Variants in SEPTIN9 observed in about 807,000 individuals in gnomAD.
The protein encoded by SEPTIN9 is septin-9.
In SEPTIN9, 13 loss-of-function variants were observed where a neutral mutation model predicts 56.6. The observed-to-expected ratio is 0.23, with a 90% CI of 0.15 to 0.37. The LOEUF is 0.37. SEPTIN9 is among the 10% of genes least tolerant of loss of function. The pLI, the probability that SEPTIN9 is intolerant of heterozygous loss-of-function variation, is 1.00. For missense variants in SEPTIN9, 650 were observed against 823.1 expected (o/e 0.79, Z 2.57); for synonymous variants, 332 against 334.1 (o/e 0.99, Z 0.07).
intron 3 of SEPTIN9, among the ~76,000 whole-genome samples, chr17:77,403,375 A>G (rs902974407): frequency 1.3e-5 from 2 of 152,336 alleles, no homozygotes; most frequent in Admixed American, 6.5e-5. Flanking sequence ...ATAGCTGCAC[A>G]CGGTTTTATT....
intron 3 of SEPTIN9, among the ~76,000 whole-genome samples, chr17:77,438,575 G>A (rs2037436610): frequency 6.6e-6 from 1 of 152,272 alleles, no homozygotes; most frequent in Admixed American, 6.5e-5. Context: ...ACCATCTGAG[G>A]GGTGCAGTGG....
Position 77,449,577 on chromosome 17 carries a change from A to G in SEPTIN9, c.722-32567A>G, listed in dbSNP as rs1401943104. On this transcript the variant is annotated intron_variant, in intron 3 of 11. Coordinates refer to ENST00000427177, the MANE Select transcript of SEPTIN9 (RefSeq NM_001113491.2). This position sits in a 1 kb window ranked among gnomAD's most constrained non-coding sequence, Gnocchi z 4.6. The stretch of plus-strand genomic sequence containing the variant: ...AAGGGTTCTGCCCACGGGGAGGGAG[A>G]GGCCCACGGGGCAGGGGCGTGGTGG... Among the ~76,000 whole-genome samples the G allele has an allele frequency of 3.3e-5, 5 of 152,142 alleles. No individual in the cohort carries two copies. Among genetic ancestry groups the G allele is most frequent in the Non-Finnish European group, 1.5e-5 (1 of 68,022 alleles).
intron 3 of SEPTIN9, among the ~76,000 whole-genome samples, chr17:77,458,556 A>G (rs2038319423): frequency 6.6e-6 from 1 of 152,190 alleles, no homozygotes; most frequent in Non-Finnish European, 1.5e-5. Flanking sequence ...TTGTCTGAAA[A>G]ATGGATAATG....
At position 77,482,472 on chromosome 17, in the gene SEPTIN9, A is replaced by G. The variant is rs1568108597; in HGVS notation, c.913+137A>G. ...ACCCTGACCTCAAGGACGGATTGCC[A>G]GTGACATTGCGTGTGCATGCATGCG... On this transcript the variant is annotated intron_variant, in intron 4 of 11. Coordinates refer to ENST00000427177, the MANE Select transcript of SEPTIN9 (RefSeq NM_001113491.2). The G allele has an allele frequency of 3.3e-6, 3 of 896,728 alleles. No homozygotes were observed. In the East Asian group the frequency reaches 7.9e-5, roughly 24 times the overall value. 55.5% of individuals were successfully genotyped at this position (896,728 alleles called of 1,614,324 possible). A position where few individuals can be genotyped will look rare whatever the true frequency, so the allele number is the denominator to read the frequency against.
chr17:77,447,597 C>T (rs1198099277), intron 3 of SEPTIN9, among the ~76,000 whole-genome samples: 7 of 152,248 alleles, frequency 4.6e-5, no homozygotes, highest in African/African-American at 1.7e-4. Flanking sequence ...CTAAGAGATA[C>T]TTAGCGTGTG....
chr17:77,402,269 C>T lies in SEPTIN9; in HGVS notation c.287C>T (p.Ser96Leu), dbSNP rs1309991827. 9.3e-6 allele frequency: 15 copies of T among 1,612,460 alleles called. No individual in the cohort carries two copies. Among genetic ancestry groups the T allele is most frequent in the African/African-American group, 6.7e-5 (5 of 74,920 alleles). The change falls in exon 3 of 12, where the codon TCG becomes TTG. Residue 96 changes from serine (S) to leucine (L), a missense_variant. By Grantham distance (145) the Ser-to-Leu change is moderately radical. Transcript: ENST00000427177. This position sits in a 1 kb window ranked among gnomAD's most constrained non-coding sequence, Gnocchi z 6.6. ...PKASLRRVEL[S>L]GPKAAEPVSR... ...GCGTCCCTGCGGAGGGTGGAGCTCT[C>T]GGGCCCCAAGGCGGCCGAGCCGGTG...
At chr17:77,431,165 T>C (rs1480693242) in intron 3 of SEPTIN9, among the ~76,000 whole-genome samples, 1 of 152,040 alleles carries the variant, frequency 6.6e-6, no homozygotes, top group Non-Finnish European at 1.5e-5. Context: ...ACAGAGGTGC[T>C]AGGGGTAGTG....
intron 3 of SEPTIN9, among the ~76,000 whole-genome samples, chr17:77,448,346 T>C (rs924312821): frequency 4.6e-5 from 7 of 151,988 alleles, no homozygotes; most frequent in South Asian, 2.1e-4. Context: ...CATGGTGGTG[T>C]ACGCCTGTAG....
chr17:77,491,189 C>T (rs1423110520), intron 8 of SEPTIN9, among the ~76,000 whole-genome samples: 4 of 150,780 alleles, frequency 2.7e-5, no homozygotes, highest in African/African-American at 4.9e-5. Context: ...GAGCAGGGGC[C>T]GTGCGACATG....
At chr17:77,432,347 C>T (rs116376433) in intron 3 of SEPTIN9, among the ~76,000 whole-genome samples, 3,206 of 152,324 alleles carry the variant, frequency 0.021, 103 homozygotes, top group African/African-American at 0.065. Context: ...ATCATCACGG[C>T]GGCATTGGCT....
chr17:77,496,547 T>C (rs1300665291), intron 10 of SEPTIN9, among the ~76,000 whole-genome samples: 2 of 152,194 alleles, frequency 1.3e-5, no homozygotes. Context: ...CGTGTTCATA[T>C]AGGAGTTACG....
chr17:77,448,887 G>A (rs184743240), intron 3 of SEPTIN9, among the ~76,000 whole-genome samples: 7 of 151,940 alleles, frequency 4.6e-5, no homozygotes, highest in African/African-American at 1.2e-4. Context: ...AGGTTTGAGC[G>A]ATTCTCCTGC....
intron 1 of SEPTIN9, among the ~76,000 whole-genome samples, chr17:77,291,828 C>T (rs1040472917): frequency 6.6e-6 from 1 of 152,162 alleles, no homozygotes; most frequent in African/African-American, 2.4e-5. Context: ...TACATTTCTC[C>T]AGGTAATTAA....
chr17:77,485,475 T>A (rs1175490079), intron 4 of SEPTIN9, among the ~76,000 whole-genome samples: 1 of 150,968 alleles, frequency 6.6e-6, no homozygotes, highest in East Asian at 1.9e-4. Context: ...GATGGGATGA[T>A]GGTAATAGCA....
chr17:77,485,346 G>A (rs367952813), intron 4 of SEPTIN9, among the ~76,000 whole-genome samples: 8 of 151,728 alleles, frequency 5.3e-5, no homozygotes, highest in African/African-American at 1.9e-4. Flanking sequence ...TGGTGGTGTT[G>A]ATGGTGATAG....
chr17:77,391,428 C>G (rs1405263420), intron 2 of SEPTIN9, among the ~76,000 whole-genome samples: 1 of 152,174 alleles, frequency 6.6e-6, no homozygotes, highest in Non-Finnish European at 1.5e-5. Context: ...TCTCTGGCCC[C>G]TGTCTCCACG....
chr17:77,350,207 G>A (rs1411492663), intron 2 of SEPTIN9, among the ~76,000 whole-genome samples: 1 of 152,232 alleles, frequency 6.6e-6, no homozygotes, highest in Non-Finnish European at 1.5e-5. Flanking sequence ...TTGCAGACAG[G>A]GTGGGTCGGC....
At chr17:77,311,414 C>T (rs1182228605) in intron 2 of SEPTIN9, among the ~76,000 whole-genome samples, 3 of 152,166 alleles carry the variant, frequency 2.0e-5, no homozygotes, top group East Asian at 1.9e-4. Flanking sequence ...CGACCCCGCC[C>T]GCAGGAAGTC....
Position 77,389,721 on chromosome 17 carries a change from C to T in SEPTIN9, c.77-12338C>T, listed in dbSNP as rs1479192942. 6.6e-6 allele frequency among the ~76,000 whole-genome samples: 1 copy of T among 152,038 alleles called. No individual in the cohort carries two copies. The highest frequency in any genetic ancestry group is 2.4e-5 in the African/African-American group (1 of 41,426). On this transcript the variant is annotated intron_variant, in intron 2 of 11. Coordinates refer to ENST00000427177, the MANE Select transcript of SEPTIN9 (RefSeq NM_001113491.2). The surrounding 1 kb of genome is among the most constrained non-coding windows in gnomAD (Gnocchi z 4.3). ...AGGGTGGGCGGCCCTCCCACCCAGG[C>T]CCTGGCGGCCCCACCCCAGCCAGGA... is the stretch of plus-strand genomic sequence containing the variant.
Sources: gnomAD v4.1 joint callset for allele counts (sites outside exome capture counted in the v4.1 genomes callset) on GRCh38, gnomAD v4.1.1 for gene constraint, Gnocchi (gnomAD v3.1) non-coding constraint, MANE v1.5 for transcripts, NCBI Gene and HGNC (gene_info 2026-07-23, HGNC 2026-07-21) for gene names.